Variants in IRF3 observed in about 807,000 individuals in gnomAD.
The protein encoded by IRF3 is interferon regulatory factor 3.
IRF3 carries 29 observed loss-of-function variants against 43.2 expected under a neutral mutation model. The observed-to-expected ratio is 0.67, with a 90% CI of 0.50 to 0.91. IRF3 has a LOEUF of 0.91. Ranked by LOEUF, IRF3 falls within the 40% of genes least tolerant of loss-of-function variation. The pLI is 0.00. For missense variants in IRF3, 505 were observed against 559.1 expected (o/e 0.90, Z 0.98); for synonymous variants, 228 against 233.9 (o/e 0.97, Z 0.23).
chr19:49,665,171 T>A, intron 1 of IRF3: 2 of 300,430 alleles, frequency 6.7e-6, no homozygotes, highest in East Asian at 6.8e-5. Flanking sequence ...CAGGGTAGCA[T>A]CCTCTTTCCC....
chr19:49,663,586 C>A, intron 2 of IRF3, 72 bp from the exon 3 acceptor site: 2 of 1,457,034 alleles, frequency 1.4e-6, no homozygotes, highest in Non-Finnish European at 9.4e-7. Context: ...CTAACCCTGT[C>A]TCCCGAGTCC....
At chr19:49,660,690 C>A in intron 7 of IRF3, 23 bp downstream of exon 7, 2 of 1,558,744 alleles carry the variant, frequency 1.3e-6, no homozygotes, top group East Asian at 2.4e-5. Flanking sequence ...CTTTCAGCCC[C>A]AGGGACTCAG....
chr19:49,660,027 A>ACACACACACACACACACACACACACAC (rs57168131), intron 7 of IRF3, among the ~76,000 whole-genome samples, 194 bp from the exon 8 acceptor site: 8 of 74,716 alleles, frequency 1.1e-4, no homozygotes, highest in African/African-American at 3.0e-4. Context: ...ACACACACAC[A>ACACACACACACACACACACACACACAC]CCCCCTGCTG....
chr19:49,662,092 A>G lies in IRF3; in HGVS notation c.838T>C (p.Trp280Arg). The change falls in exon 6 of 8, where the codon TGG becomes CGG. Residue 280 changes from tryptophan (W) to arginine (R), a missense_variant. Physicochemically the swap from Trp to Arg is moderately radical, Grantham distance 101 (BLOSUM62 -3). Transcript: ENST00000377139. ...TGCCCCAGCCGCTGGGCCCAGAGCC[A>G]CTGCCCGGCCCGCCAGAGAGCCAGT... ...GGLALWRAGQ[W>R]LWAQRLGHCH... 1 of 1,613,710 alleles carries G rather than the reference A, an allele frequency of 6.2e-7. No individual in the cohort carries two copies. Among genetic ancestry groups the G allele is most frequent in the Non-Finnish European group, 8.5e-7 (1 of 1,179,742 alleles).
chr19:49,663,849 C>T (rs2081481669), intron 2 of IRF3: 2 of 296,304 alleles, frequency 6.7e-6, no homozygotes, highest in South Asian at 6.8e-5. Flanking sequence ...GTGGGCACCA[C>T]TACACCTGGC....
At position 49,660,812 on chromosome 19, in the gene IRF3, C is replaced by T. The variant is rs758305171; in HGVS notation, c.999G>A (p.Thr333=). 21 of 1,602,948 alleles carry T rather than the reference C, an allele frequency of 1.3e-5. No homozygotes were observed. The East Asian group carries it at 2.5e-4, about 19-fold the overall frequency. Residue 333 remains threonine (T), a synonymous_variant, in exon 7 of 8, where the codon ACG becomes ACA. Transcript: ENST00000377139. The part of the protein sequence containing the change: ...GPFIVDLITF[T]EGSGRSPRYA... ...AGCGTGGTGAGCGTCCGCTTCCTTCCGTGAAGGTAATCAGATCTGGGGGCC... is the reference window on the plus strand; with the variant it reads ...AGCGTGGTGAGCGTCCGCTTCCTTCTGTGAAGGTAATCAGATCTGGGGGCC...
At position 49,660,027 on chromosome 19, in the gene IRF3, A is replaced by ACACACACACACACACACACAC. The variant is rs57168131; in HGVS notation, c.1099-195_1099-194insGTGTGTGTGTGTGTGTGTGTG. 2.9e-4 allele frequency among the ~76,000 whole-genome samples: 22 copies of ACACACACACACACACACACAC among 74,746 alleles called. 1 individual carries two copies. The highest frequency in any genetic ancestry group is 1.6e-3 in the African/African-American group (16 of 10,154). The allele number at this position is 74,746 out of a possible 152,430, so 49.0% of individuals were successfully genotyped here. ...CACACACACACACACACACACACAC[A>ACACACACACACACACACACAC]CCCCCTGCTGTAACTGAACCATAGG... On this transcript the variant is annotated intron_variant, in intron 7 of 7. Transcript: ENST00000377139.
intron 7 of IRF3, among the ~76,000 whole-genome samples, chr19:49,660,448 C>T (rs1213844537): frequency 6.6e-6 from 1 of 152,124 alleles, no homozygotes; most frequent in South Asian, 2.1e-4. Context: ...CGAAACCACA[C>T]CTCCCTGTCC....
chr19:49,661,185 A>G (rs2081312099), intron 6 of IRF3, among the ~76,000 whole-genome samples: 1 of 152,232 alleles, frequency 6.6e-6, no homozygotes, highest in Admixed American at 6.5e-5. Flanking sequence ...AGGTTATTTC[A>G]GTTTAAATTG....
Position 49,663,544 on chromosome 19 carries a change from G to C in IRF3, c.166-30C>G, listed in dbSNP as rs2081455102. 8 of 1,610,478 alleles carry C rather than the reference G, an allele frequency of 5.0e-6. No individual in the cohort carries two copies. In the Admixed American group the frequency reaches 5.0e-5, roughly 10 times the overall value. On this transcript the variant is annotated intron_variant, in intron 2 of 7. Coordinates refer to ENST00000377139, the MANE Select transcript of IRF3 (RefSeq NM_001571.6). ...GGCAACAGTGGTGTCAGGATGGTGG[G>C]GGAGGACGACTTAGATCCTGCTCCT...
rs1555753186 is a variant in IRF3 at position 49,660,027 on chromosome 19, A to AC, written c.1099-195dup. On this transcript the variant is annotated intron_variant, in intron 7 of 7. Transcript: ENST00000377139. ...CACACACACACACACACACACACAC[A>AC]CCCCCTGCTGTAACTGAACCATAGG... Among the ~76,000 whole-genome samples, 56 of 74,748 alleles carry AC rather than the reference A, an allele frequency of 7.5e-4. 3 individuals carry two copies. The highest frequency in any genetic ancestry group is 3.1e-3 in the African/African-American group (31 of 10,158). 49.0% of individuals were successfully genotyped at this position (74,748 alleles called of 152,430 possible).
At position 49,662,054 on chromosome 19, in the gene IRF3, G is replaced by T; in HGVS notation, c.876C>A (p.Tyr292Ter). 6.2e-7 allele frequency: 1 copy of T among 1,614,050 alleles called. No individual in the cohort carries two copies. The highest frequency in any genetic ancestry group is 8.5e-7 in the Non-Finnish European group (1 of 1,179,964). The change falls in exon 6 of 8, where the codon TAC becomes TAA. Residue 292 changes from tyrosine (Y) to a stop codon, truncating the protein, a stop_gained. Coordinates refer to ENST00000377139, the MANE Select transcript of IRF3 (RefSeq NM_001571.6). LOFTEE classifies it high-confidence loss of function. Reference protein sequence around the residue: ...WAQRLGHCHTYWAVSEELLPN... With the variant: ...WAQRLGHCHT The stretch of plus-strand genomic sequence containing the variant: ...GGAGCAGCTCCTCGCTCACTGCCCA[G>T]TATGTGTGGCAGTGCCCCAGCCGCT...
Position 49,660,704 on chromosome 19 carries a change from T to G in IRF3, c.1098+9A>C, listed in dbSNP as rs1254120285. The G allele has an allele frequency of 5.1e-6, 8 of 1,582,816 alleles. No homozygotes were observed. The Admixed American group carries it at 1.1e-4, about 22-fold the overall frequency. On this transcript the variant is annotated intron_variant, in intron 7 of 7. Coordinates refer to ENST00000377139, the MANE Select transcript of IRF3 (RefSeq NM_001571.6). ...CCTTTCAGCCCCAGGGACTCAGGTC[T>G]GCAGGCACCTTGACCATCACGAGCC...
Position 49,662,282 on chromosome 19 carries a change from G to T in IRF3, c.648C>A (p.Phe216Leu). The T allele has an allele frequency of 6.2e-7, 1 of 1,613,808 alleles. No homozygotes were observed. Residue 216 changes from phenylalanine to leucine, a missense_variant, in exon 6 of 8, where the codon TTC becomes TTA. Transcript: ENST00000377139. ...VTAFYRGRQV[F>L]QQTISCPEGL... ...CCTCCGGGCAGGAGATGGTCTGCTG[G>T]AAGACTTGGCGGCCCCGGTAGAAGG...
Position 49,660,028 on chromosome 19 carries a change from C to CACACA in IRF3, c.1099-196_1099-195insTGTGT, listed in dbSNP as rs1555753000. On this transcript the variant is annotated intron_variant, in intron 7 of 7. Transcript: ENST00000377139. Reference sequence around the variant, plus strand: ...ACACACACACACACACACACACACACCCCCTGCTGTAACTGAACCATAGGC... The same window carrying CACACA: ...ACACACACACACACACACACACACACACACACCCCTGCTGTAACTGAACCATAGGC... 5.1e-3 allele frequency among the ~76,000 whole-genome samples: 565 copies of CACACA among 109,854 alleles called. 37 individuals are homozygous for CACACA. The highest frequency in any genetic ancestry group is 0.013 in the Middle Eastern group (3 of 234). 72.1% of individuals were successfully genotyped at this position (109,854 alleles called of 152,430 possible). A position where few individuals can be genotyped will look rare whatever the true frequency, so the allele number is the denominator to read the frequency against.
chr19:49,665,708 G>C lies in IRF3; in HGVS notation c.-86C>G. 7.2e-7 allele frequency: 1 copy of C among 1,392,988 alleles called. No individual in the cohort carries two copies. Among genetic ancestry groups the C allele is most frequent in the Non-Finnish European group, 9.6e-7 (1 of 1,037,086 alleles). 86.3% of individuals were successfully genotyped at this position (1,392,988 alleles called of 1,614,324 possible). A position where few individuals can be genotyped will look rare whatever the true frequency, so the allele number is the denominator to read the frequency against. On this transcript the variant is annotated 5_prime_UTR_variant, in exon 1 of 8. Coordinates refer to ENST00000377139, the MANE Select transcript of IRF3 (RefSeq NM_001571.6). ...AGCTCCGGGTAGCTCTCAAACTCGA[G>C]GCTGCGCACCCCCTTTCCCGTCAGC...
At chr19:49,660,075 G>T (rs2081247472) in intron 7 of IRF3, among the ~76,000 whole-genome samples, 1 of 144,948 alleles carries the variant, frequency 6.9e-6, no homozygotes, top group Non-Finnish European at 1.5e-5. Context: ...GGGAGTTGTA[G>T]TTTTACACAC....
intron 1 of IRF3, chr19:49,665,249 C>T (rs74735524): frequency 1.3e-4 from 25 of 190,960 alleles, no homozygotes; most frequent in African/African-American, 5.4e-4. Flanking sequence ...CAATGTAGAC[C>T]CCCTTCCACA....
chr19:49,660,485 G>A (rs144023773), intron 7 of IRF3, among the ~76,000 whole-genome samples: 109 of 152,266 alleles, frequency 7.2e-4, no homozygotes, highest in Non-Finnish European at 1.4e-3. Flanking sequence ...CCATGAGACT[G>A]GTCCCTGGTG....
Sources: gnomAD v4.1 joint callset for allele counts (sites outside exome capture counted in the v4.1 genomes callset) on GRCh38, gnomAD v4.1.1 for gene constraint, MANE v1.5 for transcripts, NCBI Gene and HGNC (gene_info 2026-07-23, HGNC 2026-07-21) for gene names.